LDB2: variants seen among roughly 807,000 people sequenced by gnomAD.
LDB2 encodes the protein LIM domain-binding protein 2.
A neutral mutation model predicts 44.3 loss-of-function variants in LDB2; 12 were observed. The observed-to-expected ratio is 0.27, with a 90% CI of 0.17 to 0.44. LDB2 has a LOEUF of 0.44. Among genes scored for constraint, LDB2 ranks in the 20% least tolerant of loss-of-function variants. The pLI, the probability that LDB2 is intolerant of heterozygous loss-of-function variation, is 1.00. For synonymous variants in LDB2, 164 were observed against 174.8 expected (o/e 0.94, Z 0.49); for missense variants, 344 against 473.5 (o/e 0.73, Z 2.54).
chr4:16,878,420 G>A (rs1195712914), intron 1 of LDB2, among the ~76,000 whole-genome samples: 1 of 152,056 alleles, frequency 6.6e-6, no homozygotes, highest in African/African-American at 2.4e-5. Flanking sequence ...CTAATCCATC[G>A]CCCATACAAT....
At chr4:16,724,902 G>A (rs1455317466) in intron 2 of LDB2, among the ~76,000 whole-genome samples, 18 of 152,138 alleles carry the variant, frequency 1.2e-4, no homozygotes, top group Non-Finnish European at 2.9e-5. Flanking sequence ...TAACTGATAG[G>A]CATTAGAATT....
intron 2 of LDB2, among the ~76,000 whole-genome samples, chr4:16,720,341 C>T (rs1251102638): frequency 6.6e-6 from 1 of 152,110 alleles, no homozygotes; most frequent in East Asian, 1.9e-4. Context: ...ACAGGAAATT[C>T]CACCTGTGGA....
chr4:16,587,456 T>C (rs771479353), intron 4 of LDB2, among the ~76,000 whole-genome samples: 2 of 152,212 alleles, frequency 1.3e-5, no homozygotes, highest in Non-Finnish European at 2.9e-5. Context: ...CCAACTGTTA[T>C]CCTTTGCTGC....
At chr4:16,563,429 ATTTTTTTTTTTTTTTTTTTTTTTTTTTT>A (rs1169491759) in intron 5 of LDB2, among the ~76,000 whole-genome samples, 1 of 46,534 alleles carries the variant, frequency 2.1e-5, no homozygotes, top group African/African-American at 8.7e-5. Flanking sequence ...CAGTCATCAG[ATTTTTTTTTTTTTTTTTTTTTTTTTTTT>A]TTTTTTTTTG....
At position 16,514,691 on chromosome 4, in the gene LDB2, A is replaced by G. The variant is rs146281418; in HGVS notation, c.616-2587T>C. ...TTAAAGCCTGAACAACACAAGGAATATGCACATCACAGGGGCCAAGACACC... is the reference window on the plus strand; with the variant it reads ...TTAAAGCCTGAACAACACAAGGAATGTGCACATCACAGGGGCCAAGACACC... On this transcript the variant is annotated intron_variant, in intron 5 of 7. Transcript: ENST00000304523. 1.9e-3 allele frequency among the ~76,000 whole-genome samples: 283 copies of G among 152,328 alleles called. 2 individuals are homozygous for G. In the East Asian group the frequency reaches 0.034, roughly 18 times the overall value.
intron 1 of LDB2, among the ~76,000 whole-genome samples, chr4:16,794,619 T>C (rs1163850467): frequency 6.6e-6 from 1 of 152,152 alleles, no homozygotes; most frequent in Non-Finnish European, 1.5e-5. Context: ...TAGAAGTATT[T>C]ATCCCATGGG....
At chr4:16,883,063 A>C (rs1720618559) in intron 1 of LDB2, among the ~76,000 whole-genome samples, 1 of 152,356 alleles carries the variant, frequency 6.6e-6, no homozygotes, top group South Asian at 2.1e-4. Flanking sequence ...GCGGGTTTTA[A>C]GACAATGGTT....
At chr4:16,862,063 C>A (rs181422389) in intron 1 of LDB2, among the ~76,000 whole-genome samples, 1 of 152,066 alleles carries the variant, frequency 6.6e-6, no homozygotes, top group Admixed American at 6.5e-5. Flanking sequence ...TAAAGGACAT[C>A]GAGGCTGCCA....
intron 5 of LDB2, among the ~76,000 whole-genome samples, chr4:16,552,483 C>T (rs555881585): frequency 2.0e-5 from 3 of 152,224 alleles, no homozygotes; most frequent in South Asian, 2.1e-4. Context: ...TTGTTTGTAA[C>T]GTGGCATACC....
Position 16,502,186 on chromosome 4 carries a change from A to G in LDB2, c.*457T>C, listed in dbSNP as rs1717688534. 1 of 154,414 alleles carries G rather than the reference A, an allele frequency of 6.5e-6. No individual in the cohort carries two copies. Among genetic ancestry groups the G allele is most frequent in the Non-Finnish European group, 1.4e-5 (1 of 69,310 alleles). The allele number at this position is 154,414 out of a possible 1,614,324, so 9.6% of individuals were successfully genotyped here. A position where few individuals can be genotyped will look rare whatever the true frequency, so the allele number is the denominator to read the frequency against. On this transcript the variant is annotated 3_prime_UTR_variant, in exon 8 of 8. Coordinates refer to ENST00000304523, the MANE Select transcript of LDB2 (RefSeq NM_001290.5). ...TTGTCTTTTCTTTTTTTACTGAAAC[A>G]AGAAACTCTCAGATGCAAGTCAAAA...
At chr4:16,635,254 A>G (rs372305687) in intron 2 of LDB2, among the ~76,000 whole-genome samples, 7 of 152,166 alleles carry the variant, frequency 4.6e-5, no homozygotes, top group Non-Finnish European at 8.8e-5. Flanking sequence ...ACAAAACTGC[A>G]TGTTCTGCAC....
chr4:16,639,956 A>C (rs1473447399), intron 2 of LDB2, among the ~76,000 whole-genome samples: 2 of 152,262 alleles, frequency 1.3e-5, no homozygotes, highest in East Asian at 3.8e-4. Context: ...TATGTTGTCC[A>C]TCTGTTTCCA....
rs774086697 is a variant in LDB2 at position 16,508,560 on chromosome 4, T to G, written c.866A>C (p.Asn289Thr). The G allele has an allele frequency of 6.2e-7, 1 of 1,606,144 alleles. No individual in the cohort carries two copies. Among genetic ancestry groups the G allele is most frequent in the African/African-American group, 1.3e-5 (1 of 74,812 alleles). The change falls in exon 7 of 8, where the codon AAC (asparagine) becomes ACC (threonine). Residue 289 changes from asparagine (N) to threonine (T), a missense_variant. By Grantham distance (65) the Asn-to-Thr change is moderately conservative. Coordinates refer to ENST00000304523, the MANE Select transcript of LDB2 (RefSeq NM_001290.5). The stretch of plus-strand genomic sequence containing the variant: ...AGGTACCTGACTGGACAGACTCAGG[T>G]TTGCAGCTGTGGTCTTCTTCTTGCT... ...TGSKKKTTAA[N>T]LSLSSQVPDV... is the part of the protein sequence containing the mutation.
intron 1 of LDB2, among the ~76,000 whole-genome samples, chr4:16,875,848 T>C (rs569604684): frequency 6.6e-6 from 1 of 152,358 alleles, no homozygotes; most frequent in East Asian, 1.9e-4. Flanking sequence ...TCATTGTCCA[T>C]ATAGAGAGCT....
chr4:16,892,715 G>C (rs562369424), intron 1 of LDB2, among the ~76,000 whole-genome samples: 1 of 152,102 alleles, frequency 6.6e-6, no homozygotes, highest in African/African-American at 2.4e-5. Context: ...CATGAAAAAT[G>C]AGTTAATGTG....
intron 1 of LDB2, among the ~76,000 whole-genome samples, chr4:16,790,711 A>G (rs973983682): frequency 2.2e-4 from 33 of 152,208 alleles, no homozygotes; most frequent in Admixed American, 2.0e-3. Flanking sequence ...CAGATGTTTG[A>G]AAATCCTGGA....
intron 2 of LDB2, among the ~76,000 whole-genome samples, chr4:16,664,562 A>T (rs1030847306): frequency 6.6e-6 from 1 of 152,184 alleles, no homozygotes; most frequent in Non-Finnish European, 1.5e-5. Flanking sequence ...TTGATTCTCC[A>T]TTTAATTAGT....
intron 2 of LDB2, among the ~76,000 whole-genome samples, chr4:16,712,723 G>A (rs1756186328): frequency 6.6e-6 from 1 of 152,194 alleles, no homozygotes; most frequent in Non-Finnish European, 1.5e-5. Context: ...TGGAGTGAAT[G>A]TGGAGAAAGT....
chr4:16,728,940 A>C (rs78116264), intron 2 of LDB2, among the ~76,000 whole-genome samples: 1,572 of 152,340 alleles, frequency 0.01, 36 homozygotes, highest in African/African-American at 0.036. Context: ...AAAGTGCTAA[A>C]CCCTGTCAAG....
Sources: gnomAD v4.1 joint callset for allele counts (sites outside exome capture counted in the v4.1 genomes callset) on GRCh38, gnomAD v4.1.1 for gene constraint, MANE v1.5 for transcripts, NCBI Gene and HGNC (gene_info 2026-07-23, HGNC 2026-07-21) for gene names.